Variants in UTP20 observed in about 807,000 individuals in gnomAD.
The protein encoded by UTP20 is small subunit processome component 20 homolog.
UTP20 carries 164 observed loss-of-function variants against 329.5 expected under a neutral mutation model. The ratio of observed to expected loss-of-function variants is 0.50; its 90% confidence interval spans 0.44 to 0.57. The LOEUF (loss-of-function observed/expected upper bound fraction) is 0.57, where lower values mean the gene tolerates loss of function less well. Ranked by LOEUF, UTP20 falls within the 20% of genes least tolerant of loss-of-function variation. The pLI, the probability that UTP20 is intolerant of heterozygous loss-of-function variation, is 0.00. For missense variants in UTP20, 3,055 were observed against 3,284.2 expected (o/e 0.93, Z 1.71); for synonymous variants, 1,151 against 1,159.3 (o/e 0.99, Z 0.14).
At chr12:101,385,215 G>A (rs186556221) in intron 60 of UTP20, among the ~76,000 whole-genome samples, 3 of 152,200 alleles carry the variant, frequency 2.0e-5, no homozygotes, top group Non-Finnish European at 2.9e-5. Context: ...GGTAAACAGA[G>A]GTAATTCAAA....
At chr12:101,329,091 T>A in intron 26 of UTP20, 150 bp from the exon 27 acceptor site, 1 of 697,300 alleles carries the variant, frequency 1.4e-6, no homozygotes. Flanking sequence ...AAGGAGATAA[T>A]ACATAAGAAA....
rs756777500 is a variant in UTP20 at position 101,333,387 on chromosome 12, A to G, written c.3504A>G (p.Ser1168=). 1 of 1,614,134 alleles carries G rather than the reference A, an allele frequency of 6.2e-7. No homozygotes were observed. Among genetic ancestry groups the G allele is most frequent in the Non-Finnish European group, 8.5e-7 (1 of 1,179,984 alleles). Residue 1168 remains serine, a synonymous_variant, in exon 28 of 62, where the codon TCA becomes TCG. Transcript: ENST00000261637. Reference sequence around the variant, plus strand: ...CTGATATCTTTTTGGACTGGGAATCATATCAGTTTAGAACAGAAGAAATTG... The same window carrying G: ...CTGATATCTTTTTGGACTGGGAATCGTATCAGTTTAGAACAGAAGAAATTG... ...MVTDIFLDWE[S]YQFRTEEIDA... is the part of the protein sequence containing the mutation.
rs1449092216 is a variant in UTP20, at chr12:101,342,731, G to A, written c.4246-56G>A. 4 of 1,571,326 alleles carry A rather than the reference G, an allele frequency of 2.5e-6. No homozygotes were observed. The African/African-American group carries it at 4.1e-5, about 16-fold the overall frequency. Reference sequence around the variant, plus strand: ...GGGGACAGGTAGCTGAGGGGAGGAGGGCAGAAAAGTTAAAGTTTTATTCAC... The same window carrying A: ...GGGGACAGGTAGCTGAGGGGAGGAGAGCAGAAAAGTTAAAGTTTTATTCAC... On this transcript the variant is annotated intron_variant, in intron 33 of 61. Coordinates refer to ENST00000261637, the MANE Select transcript of UTP20 (RefSeq NM_014503.3).
At position 101,305,273 on chromosome 12, in the gene UTP20, A is replaced by G. The variant is rs569254234; in HGVS notation, c.1782-642A>G. On this transcript the variant is annotated intron_variant, in intron 15 of 61. Transcript: ENST00000261637. The stretch of plus-strand genomic sequence containing the variant: ...CCCTACTAGAATATAAGTTCCAGGA[A>G]AAGGAACTTTGTCTTTTGTTAACTG... Among the ~76,000 whole-genome samples, 3 of 152,184 alleles carry G rather than the reference A, an allele frequency of 2.0e-5. No individual in the cohort carries two copies. In the East Asian group the frequency reaches 5.8e-4, roughly 29 times the overall value.
intron 13 of UTP20, 52 bp from the exon 14 acceptor site, chr12:101,299,921 C>G: frequency 6.2e-7 from 1 of 1,609,788 alleles, no homozygotes; most frequent in Non-Finnish European, 8.5e-7. Context: ...TTCTCTGAAA[C>G]AAACCATTGA....
intron 18 of UTP20, 43 bp from the exon 19 acceptor site, chr12:101,309,720 G>A (rs376562867): frequency 2.2e-5 from 35 of 1,579,882 alleles, no homozygotes; most frequent in Non-Finnish European, 2.9e-5. Context: ...GTTCTATACT[G>A]TATTTCATTA....
At chr12:101,345,744 T>G (rs1197559663) in intron 37 of UTP20, 50 bp downstream of exon 37, 3 of 1,527,992 alleles carry the variant, frequency 2.0e-6, no homozygotes, top group African/African-American at 1.4e-5. Flanking sequence ...CATACATATT[T>G]CAAACAGTTC....
rs368034242 is a variant in UTP20 at position 101,356,287 on chromosome 12, C to T, written c.5395-267C>T. Among the ~76,000 whole-genome samples the T allele has an allele frequency of 8.5e-5, 13 of 152,160 alleles. 1 individual carries two copies. The highest frequency in any genetic ancestry group is 6.2e-4 in the South Asian group (3 of 4,802). The stretch of plus-strand genomic sequence containing the variant: ...GATTACAGGCATGCACCACCACGCC[C>T]GGCTAATTTTGTATTTTTAGTAGAG... On this transcript the variant is annotated intron_variant, in intron 41 of 61. Transcript: ENST00000261637.
At chr12:101,295,718 A>G (rs1372015104) in intron 12 of UTP20, 60 bp downstream of exon 12, 64 of 1,469,400 alleles carry the variant, frequency 4.4e-5, no homozygotes, top group Non-Finnish European at 1.8e-6. Context: ...AATGTAATGT[A>G]TCAAGAATAC....
At chr12:101,377,470 AC>A (rs1488048137) in intron 56 of UTP20, among the ~76,000 whole-genome samples, 1 of 152,086 alleles carries the variant, frequency 6.6e-6, no homozygotes, top group South Asian at 2.1e-4. Context: ...AGCTGGGACT[AC>A]AGGCGTGTGC....
In UTP20 at chr12:101,329,360, C is replaced by T; in HGVS notation, c.3328C>T (p.His1110Tyr). 2.5e-6 allele frequency: 4 copies of T among 1,614,104 alleles called. No homozygotes were observed. Among genetic ancestry groups the T allele is most frequent in the Non-Finnish European group, 3.4e-6 (4 of 1,180,030 alleles). Residue 1110 changes from histidine to tyrosine, a missense_variant, in exon 27 of 62, where the codon CAT becomes TAT. Physicochemically the swap from His to Tyr is moderately conservative, Grantham distance 83. This residue lies in a region of UTP20 where 2,445 missense variants were observed against 2,575.5 expected (regional missense o/e 0.95). Coordinates refer to ENST00000261637, the MANE Select transcript of UTP20 (RefSeq NM_014503.3). Reference sequence around the variant, plus strand: ...TGAGATAGTATTGAAAAACATTAGTCATCTGATCAGCGCATACCTGCCGAA... The same window carrying T: ...TGAGATAGTATTGAAAAACATTAGTTATCTGATCAGCGCATACCTGCCGAA... The part of the protein sequence containing the change: ...SLEIVLKNIS[H>Y]LISAYLPKIL...
In UTP20 at chr12:101,351,977, T is replaced by G; in HGVS notation, c.4885-78T>G. Reference sequence around the variant, plus strand: ...TGTAATTACTGAGAACTTACTAACTTTTTCAATATACTGAGTTAGCCTTGC... The same window carrying G: ...TGTAATTACTGAGAACTTACTAACTGTTTCAATATACTGAGTTAGCCTTGC... On this transcript the variant is annotated intron_variant, in intron 38 of 61. Transcript: ENST00000261637. 5 of 1,543,672 alleles carry G rather than the reference T, an allele frequency of 3.2e-6. No homozygotes were observed. The South Asian group carries it at 5.9e-5, about 18-fold the overall frequency.
intron 2 of UTP20, among the ~76,000 whole-genome samples, chr12:101,283,280 A>G (rs1230589123): frequency 6.6e-6 from 1 of 152,200 alleles, no homozygotes; most frequent in Non-Finnish European, 1.5e-5. Context: ...CGTGTCTGGC[A>G]GTTGGCTGTG....
intron 6 of UTP20, among the ~76,000 whole-genome samples, chr12:101,289,499 T>C (rs1872071602): frequency 6.6e-6 from 1 of 152,214 alleles, no homozygotes; most frequent in South Asian, 2.1e-4. Context: ...TGTATCTATA[T>C]ATATACTTAA....
intron 5 of UTP20, among the ~76,000 whole-genome samples, chr12:101,287,225 C>T (rs1396245907): frequency 1.3e-5 from 2 of 152,098 alleles, no homozygotes; most frequent in African/African-American, 2.4e-5. Flanking sequence ...TTATGCCACC[C>T]GTTTCACTCA....
rs549275338 is a variant in UTP20, at chr12:101,300,135, A to G, written c.1675+74A>G. 8 of 1,376,804 alleles carry G rather than the reference A, an allele frequency of 5.8e-6. No homozygotes were observed. The East Asian group carries it at 6.9e-5, about 12-fold the overall frequency. The allele number at this position is 1,376,804 out of a possible 1,614,324, so 85.3% of individuals were successfully genotyped here. ...CAAAGTAATTGTAAACACATGAGCT[A>G]TTAGAGAATAATACTTACATTGTGT... On this transcript the variant is annotated intron_variant, in intron 14 of 61. Coordinates refer to ENST00000261637, the MANE Select transcript of UTP20 (RefSeq NM_014503.3).
chr12:101,353,799 A>C (rs949139220), intron 40 of UTP20, among the ~76,000 whole-genome samples: 1 of 152,256 alleles, frequency 6.6e-6, no homozygotes, highest in Non-Finnish European at 1.5e-5. Flanking sequence ...TGTAATAAAC[A>C]TTACTAGGAA....
In UTP20 at chr12:101,355,039, TAGAG is replaced by T. The variant is rs1292057183; in HGVS notation, c.5319_5322del (p.Arg1774GlnfsTer9). ...TTCCTTCCTCAAAACAAGGAAGAAATAGAGAGAACAATTAAAAATATCCAAGGAA... is the reference window on the plus strand; with the variant it reads ...TTCCTTCCTCAAAACAAGGAAGAAATAGAACAATTAAAAATATCCAAGGAA... On this transcript the variant is annotated frameshift_variant, in exon 41 of 62. Coordinates refer to ENST00000261637, the MANE Select transcript of UTP20 (RefSeq NM_014503.3). LOFTEE classifies it high-confidence loss of function. The T allele has an allele frequency of 5.6e-6, 9 of 1,614,000 alleles. No individual in the cohort carries two copies. The highest frequency in any genetic ancestry group is 7.6e-6 in the Non-Finnish European group (9 of 1,180,000).
intron 58 of UTP20, 148 bp from the exon 59 acceptor site, chr12:101,382,893 A>G (rs1593458221): frequency 1.1e-6 from 1 of 951,606 alleles, no homozygotes; most frequent in East Asian, 3.0e-5. Flanking sequence ...TGGAGCCTTC[A>G]TCATTTAATA....
Sources: gnomAD v4.1 joint callset for allele counts (sites outside exome capture counted in the v4.1 genomes callset) on GRCh38, gnomAD v4.1.1 for gene constraint, gnomAD v4.1.1 regional missense constraint, MANE v1.5 for transcripts, NCBI Gene and HGNC (gene_info 2026-07-23, HGNC 2026-07-21) for gene names.